The following NT5DC4 variants were observed in gnomAD, a reference collection of about 807,000 sequenced individuals.
The protein encoded by NT5DC4 is 5'-nucleotidase domain-containing protein 4.
NT5DC4 carries 44 observed loss-of-function variants against 26.6 expected under a neutral mutation model. The ratio of observed to expected loss-of-function variants is 1.65; its 90% CI spans 1.30 to 2.13. The LOEUF (loss-of-function observed/expected upper bound fraction) is 2.13, where lower values mean the gene tolerates loss of function less well. Ranked by LOEUF, NT5DC4 falls within the 30% of genes most tolerant of loss-of-function variation. NT5DC4 has a pLI of 0.00. For synonymous variants in NT5DC4, 157 were observed against 86.7 expected (o/e 1.81, Z -4.51); for missense variants, 399 against 228.1 (o/e 1.75, Z -4.83).
downstream of NT5DC4, among the ~76,000 whole-genome samples, chr2:112,741,942 T>G (rs957204781): frequency 1.8e-4 from 4 of 21,880 alleles, no homozygotes; most frequent in South Asian, 1.6e-3. Context: ...TCTTTTCTGT[T>G]TTTTTTTTTT....
At chr2:112,727,618 C>T (rs1677911892) in intron 15 of NT5DC4, among the ~76,000 whole-genome samples, 1 of 152,176 alleles carries the variant, frequency 6.6e-6, no homozygotes, top group Non-Finnish European at 1.5e-5. Flanking sequence ...TGCCCCACCT[C>T]CAAAAGCCAA....
At chr2:112,735,491 T>G (rs1040261566) in intron 16 of NT5DC4, among the ~76,000 whole-genome samples, 1 of 118,982 alleles carries the variant, frequency 8.4e-6, no homozygotes, top group South Asian at 2.8e-4. Context: ...CTCCCCCCCC[T>G]TTTTTTCTTT....
chr2:112,734,256 T>C (rs1678817086), intron 16 of NT5DC4, among the ~76,000 whole-genome samples: 1 of 150,266 alleles, frequency 6.7e-6, no homozygotes, highest in Admixed American at 6.6e-5. Context: ...TGAAACTGGT[T>C]TGAGAAAAAA....
At chr2:112,729,365 G>A (rs573630265) in intron 15 of NT5DC4, among the ~76,000 whole-genome samples, 11 of 152,166 alleles carry the variant, frequency 7.2e-5, no homozygotes, top group Non-Finnish European at 1.2e-4. Flanking sequence ...CAAGTGATCC[G>A]CCTGCCTCGG....
At chr2:112,719,906 TTCTTTCTTTCTTTCTTTC>T (rs1260590394), upstream of NT5DC4, among the ~76,000 whole-genome samples, 393 of 108,982 alleles carry the variant, frequency 3.6e-3, 9 homozygotes, top group African/African-American at 0.016. Flanking sequence ...TTCTTTCTTT[TTCTTTCTTTCTTTCTTTC>T]TCTTTCTTTC....
intron 15 of NT5DC4, chr2:112,727,034 C>A: frequency 2.1e-6 from 1 of 476,674 alleles, no homozygotes; most frequent in Non-Finnish European, 3.9e-6. Context: ...GCTAGCTGGG[C>A]CCTTATTGAC....
downstream of NT5DC4, chr2:112,742,481 G>C (rs1460445661): frequency 1.4e-6 from 1 of 718,124 alleles, no homozygotes; most frequent in South Asian, 1.5e-5. Flanking sequence ...CTCCAGTCTA[G>C]GCTGTTTTGG....
At chr2:112,742,614 G>T, downstream of NT5DC4, 1 of 866,908 alleles carries the variant, frequency 1.2e-6, no homozygotes, top group Non-Finnish European at 1.9e-6. Context: ...GCATTTCAGG[G>T]GATGATTCTT....
At chr2:112,732,669 G>C (rs1678626042) in intron 16 of NT5DC4, among the ~76,000 whole-genome samples, 1 of 152,230 alleles carries the variant, frequency 6.6e-6, no homozygotes, top group African/African-American at 2.4e-5. Context: ...CCAGGGTAGA[G>C]AGGATACAGA....
At chr2:112,721,186 T>C (rs1676831434) in intron 1 of NT5DC4, among the ~76,000 whole-genome samples, 33 bp downstream of exon 1, 1 of 151,840 alleles carries the variant, frequency 6.6e-6, no homozygotes, top group African/African-American at 2.4e-5. Flanking sequence ...GGGCCAGGGG[T>C]CTCAGCCCAT....
intron 16 of NT5DC4, among the ~76,000 whole-genome samples, chr2:112,735,369 A>G (rs1235132636): frequency 6.6e-6 from 1 of 152,130 alleles, no homozygotes; most frequent in Non-Finnish European, 1.5e-5. Flanking sequence ...TATAGTATGT[A>G]AAAGACTCAG....
rs866286892 is a variant in NT5DC4 at position 112,723,689 on chromosome 2, C to T, written c.673-30C>T. ...TCCCAGGGCAGCTCTGGGAGTCCCACCCCTGCAAGTCCCTCTATCTCTGCC... is the reference window on the plus strand; with the variant it reads ...TCCCAGGGCAGCTCTGGGAGTCCCATCCCTGCAAGTCCCTCTATCTCTGCC... On this transcript the variant is annotated intron_variant, in intron 8 of 16. Coordinates refer to ENST00000688554, the MANE Select transcript of NT5DC4 (RefSeq NM_001393655.1). The T allele has an allele frequency of 5.0e-5, 36 of 714,498 alleles. 2 individuals carry two copies. In the Middle Eastern group the frequency reaches 3.9e-3, roughly 77 times the overall value. The allele number at this position is 714,498 out of a possible 1,614,324, so 44.3% of individuals were successfully genotyped here. A position where few individuals can be genotyped will look rare whatever the true frequency, so the allele number is the denominator to read the frequency against.
chr2:112,739,053 G>A lies in NT5DC4; in HGVS notation c.*117G>A, dbSNP rs763566636. On this transcript the variant is annotated 3_prime_UTR_variant, in exon 17 of 17. Coordinates refer to ENST00000688554, the MANE Select transcript of NT5DC4 (RefSeq NM_001393655.1). The stretch of plus-strand genomic sequence containing the variant: ...ACTTCCGGCATCCCATTTATTCTGA[G>A]AGACAGCAAGAGATGCATTAAAAAC... 1 of 1,600,336 alleles carries A rather than the reference G, an allele frequency of 6.2e-7. No homozygotes were observed. Among genetic ancestry groups the A allele is most frequent in the Non-Finnish European group, 8.6e-7 (1 of 1,168,490 alleles).
At chr2:112,741,836 C>G (rs1679987995), downstream of NT5DC4, among the ~76,000 whole-genome samples, 1 of 151,926 alleles carries the variant, frequency 6.6e-6, no homozygotes, top group Non-Finnish European at 1.5e-5. Context: ...TCTTCATTCA[C>G]TCCAAATTCC....
intron 16 of NT5DC4, among the ~76,000 whole-genome samples, chr2:112,733,506 A>G (rs1440678131): frequency 1.3e-5 from 2 of 152,166 alleles, no homozygotes; most frequent in Admixed American, 1.3e-4. Flanking sequence ...CCAACTTCCA[A>G]TCCGTGACCT....
chr2:112,726,649 C>T, intron 14 of NT5DC4, 29 bp from the exon 15 acceptor site: 1 of 717,448 alleles, frequency 1.4e-6, no homozygotes, highest in Non-Finnish European at 2.6e-6. Context: ...CTGTGCCTCC[C>T]CTGGGTCACC....
At chr2:112,729,874 C>G (rs78197910) in intron 16 of NT5DC4, among the ~76,000 whole-genome samples, 170 bp downstream of exon 16, 1,819 of 152,138 alleles carry the variant, frequency 0.012, 31 homozygotes, top group African/African-American at 0.041. Flanking sequence ...TGTAAAAATG[C>G]GTATTATTTT....
chr2:112,723,360 T>TTCACACACACACACACAC (rs1677195950), intron 7 of NT5DC4, 58 bp from the exon 8 acceptor site: 1 of 191,966 alleles, frequency 5.2e-6, no homozygotes, highest in African/African-American at 9.3e-5. Flanking sequence ...TGGGTACACA[T>TTCACACACACACACACAC]GCACACACAC....
chr2:112,731,435 T>C (rs1476638435), intron 16 of NT5DC4: 1 of 152,194 alleles, frequency 6.6e-6, no homozygotes, highest in Non-Finnish European at 1.5e-5. Flanking sequence ...AAAATAGTTA[T>C]TTCTGTGCAC....
Sources: allele counts gnomAD v4.1 joint callset (sites outside exome capture counted in the v4.1 genomes callset), GRCh38; gene constraint gnomAD v4.1.1; transcripts MANE v1.5; gene names NCBI Gene and HGNC (gene_info 2026-07-23, HGNC 2026-07-21).